Variants in ZNF385D observed in about 807,000 individuals in gnomAD.
ZNF385D encodes zinc finger protein 385D, also known as zinc finger protein 659.
ZNF385D carries 15 observed loss-of-function variants against 35.8 expected under a neutral mutation model. The observed-to-expected ratio is 0.42, with a 90% confidence interval of 0.28 to 0.64. The LOEUF is 0.64. ZNF385D is among the 30% of genes least tolerant of loss of function. The pLI is 0.23. For missense variants in ZNF385D, 474 were observed against 494.6 expected (o/e 0.96, Z 0.39); for synonymous variants, 212 against 186.8 (o/e 1.13, Z -1.10).
chr3:21,965,658 A>G (rs1323403123), intron 3 of ZNF385D, among the ~76,000 whole-genome samples: 1 of 152,240 alleles, frequency 6.6e-6, no homozygotes, highest in Non-Finnish European at 1.5e-5. Flanking sequence ...GGACATTACC[A>G]GAACAACTGA....
intron 3 of ZNF385D, among the ~76,000 whole-genome samples, chr3:21,804,881 C>A (rs915882795): frequency 1.3e-5 from 2 of 151,678 alleles, no homozygotes; most frequent in African/African-American, 4.8e-5. Flanking sequence ...TAAGAAAGAA[C>A]GTTGCTTGGA....
intron 2 of ZNF385D, among the ~76,000 whole-genome samples, chr3:22,279,590 G>A (rs576439778): frequency 1.7e-5 from 2 of 121,174 alleles, no homozygotes; most frequent in African/African-American, 8.9e-5. Flanking sequence ...ATATACATAT[G>A]TACATATATA....
chr3:22,082,296 G>C (rs1249244155), intron 3 of ZNF385D, among the ~76,000 whole-genome samples: 1 of 152,070 alleles, frequency 6.6e-6, no homozygotes, highest in Non-Finnish European at 1.5e-5. Context: ...CCCTTTCCTA[G>C]CCAAGGGAAG....
intron 3 of ZNF385D, among the ~76,000 whole-genome samples, chr3:21,765,992 C>G (rs1258017337): frequency 1.3e-5 from 2 of 151,914 alleles, no homozygotes; most frequent in Non-Finnish European, 2.9e-5. Context: ...TATTGTATAC[C>G]AGCTTTTTGA....
chr3:22,146,263 T>A (rs1704846455), intron 3 of ZNF385D, among the ~76,000 whole-genome samples: 1 of 152,222 alleles, frequency 6.6e-6, no homozygotes, highest in Non-Finnish European at 1.5e-5. Flanking sequence ...TATTCAGTAA[T>A]ATTCGTTTAA....
At chr3:21,522,932 C>G (rs116029918) in intron 3 of ZNF385D, among the ~76,000 whole-genome samples, 2,152 of 152,236 alleles carry the variant, frequency 0.014, 26 homozygotes, top group Non-Finnish European at 0.02. Context: ...ACACTATCCA[C>G]CGGTAGTATT....
intron 1 of ZNF385D, among the ~76,000 whole-genome samples, chr3:21,682,094 A>T (rs1416587843): frequency 6.6e-6 from 1 of 152,200 alleles, no homozygotes; most frequent in Non-Finnish European, 1.5e-5. Context: ...TAAAGGATGT[A>T]AGCCACATTT....
chr3:21,423,635 T>C (rs1029684556), intron 7 of ZNF385D, among the ~76,000 whole-genome samples: 11 of 152,232 alleles, frequency 7.2e-5, no homozygotes, highest in African/African-American at 2.4e-4. Context: ...TTGACTGTTA[T>C]TCAAAATCCA....
intron 3 of ZNF385D, among the ~76,000 whole-genome samples, chr3:21,829,556 A>AT (rs1021656814): frequency 1.3e-5 from 2 of 152,004 alleles, no homozygotes; most frequent in African/African-American, 4.8e-5. Context: ...GCAAAGGAGA[A>AT]TTTTAAGCAA....
intron 3 of ZNF385D, among the ~76,000 whole-genome samples, chr3:22,013,053 T>C (rs1304973625): frequency 6.6e-6 from 1 of 152,066 alleles, no homozygotes; most frequent in African/African-American, 2.4e-5. Context: ...AAGAAATGTA[T>C]GGAAGATTTA....
intron 3 of ZNF385D, among the ~76,000 whole-genome samples, chr3:22,143,724 G>T (rs909484633): frequency 1.3e-5 from 2 of 151,998 alleles, no homozygotes; most frequent in African/African-American, 4.8e-5. Flanking sequence ...TTTTACTTAA[G>T]ATTATGTTCT....
chr3:22,132,455 A>C (rs1369625737), intron 3 of ZNF385D, among the ~76,000 whole-genome samples: 1 of 152,170 alleles, frequency 6.6e-6, no homozygotes, highest in Admixed American at 6.6e-5. Context: ...ACTAAGACAA[A>C]TGATAAAATA....
Position 21,771,372 on chromosome 3 carries a change from G to C in ZNF385D, c.326-106344C>G, listed in dbSNP as rs138558456. 2.5e-3 allele frequency among the ~76,000 whole-genome samples: 373 copies of C among 151,934 alleles called. 2 individuals are homozygous for C. The highest frequency in any genetic ancestry group is 8.7e-3 in the African/African-American group (359 of 41,500). On this transcript the variant is annotated intron_variant, in intron 3 of 5. Coordinates refer to the ZNF385D transcript ENST00000494108. ...TATAATACAGAAAGCCCTGGGGAAAGGGGTAATAGAATTTTCAGAGTTACC... is the reference window on the plus strand; with the variant it reads ...TATAATACAGAAAGCCCTGGGGAAACGGGTAATAGAATTTTCAGAGTTACC...
intron 1 of ZNF385D, among the ~76,000 whole-genome samples, chr3:21,740,910 A>G (rs974814639): frequency 6.6e-6 from 1 of 152,180 alleles, no homozygotes; most frequent in Non-Finnish European, 1.5e-5. Context: ...ATTTGGTTAT[A>G]CTGGACCGGG....
At chr3:22,248,286 G>T (rs1467008014) in intron 2 of ZNF385D, among the ~76,000 whole-genome samples, 1 of 152,146 alleles carries the variant, frequency 6.6e-6, no homozygotes, top group Non-Finnish European at 1.5e-5. Flanking sequence ...CAGTTGTATG[G>T]GAGGAAACCT....
intron 3 of ZNF385D, among the ~76,000 whole-genome samples, chr3:21,512,631 A>G (rs2125473672): frequency 6.6e-6 from 1 of 152,352 alleles, no homozygotes; most frequent in South Asian, 2.1e-4. Context: ...TGCATCAGTT[A>G]CAAGTTTTCC....
chr3:21,569,546 C>G (rs888332390), intron 2 of ZNF385D, among the ~76,000 whole-genome samples: 1 of 150,666 alleles, frequency 6.6e-6, no homozygotes, highest in South Asian at 2.1e-4. Flanking sequence ...TTAATTGGAG[C>G]ATTTAGTCCA....
At chr3:22,242,126 G>C (rs530411257) in intron 2 of ZNF385D, among the ~76,000 whole-genome samples, 1 of 150,774 alleles carries the variant, frequency 6.6e-6, no homozygotes, top group Non-Finnish European at 1.5e-5. Flanking sequence ...CCTAATGCTA[G>C]ATGACGAGTT....
At chr3:21,919,634 A>G (rs1015741572) in intron 3 of ZNF385D, among the ~76,000 whole-genome samples, 2 of 152,244 alleles carry the variant, frequency 1.3e-5, no homozygotes, top group African/African-American at 4.8e-5. Flanking sequence ...TGCTGCAGGC[A>G]GACTAGAATT....
Sources: gnomAD v4.1 joint callset for allele counts (sites outside exome capture counted in the v4.1 genomes callset) on GRCh38, gnomAD v4.1.1 for gene constraint, MANE v1.5 for transcripts, NCBI Gene and HGNC (gene_info 2026-07-23, HGNC 2026-07-21) for gene names.